Variants in ABTB3 observed in about 807,000 individuals in gnomAD.
The protein encoded by ABTB3 is ankyrin repeat- and BTB/POZ domain-containing protein 3.
At chr12:107,654,295 CTTTG>C in the ABTB3 span, among the ~76,000 whole-genome samples, 1 of 151,744 alleles carries the variant, frequency 6.6e-6, no homozygotes, top group Non-Finnish European at 1.5e-5. Context: ...TTGGGGTTTT[CTTTG>C]TTTTTGTTTG....
At chr12:107,445,022 C>G in the ABTB3 span, among the ~76,000 whole-genome samples, 10 of 152,182 alleles carry the variant, frequency 6.6e-5, no homozygotes, top group Non-Finnish European at 1.3e-4. Flanking sequence ...AAATCAGCAT[C>G]GCTGACCGCT....
the ABTB3 span, among the ~76,000 whole-genome samples, chr12:107,323,471 C>A: frequency 6.6e-6 from 1 of 152,324 alleles, no homozygotes. Flanking sequence ...TTGCTGTGGG[C>A]ATGAACTTTG....
the ABTB3 span, among the ~76,000 whole-genome samples, chr12:107,369,458 T>C: frequency 0.26 from 38,549 of 148,664 alleles, 6,070 homozygotes; most frequent in South Asian, 0.41. Flanking sequence ...GAGTGAATGG[T>C]GTGATCTTGG....
the ABTB3 span, chr12:107,619,844 C>A: frequency 1.4e-6 from 1 of 731,032 alleles, no homozygotes; most frequent in East Asian, 2.7e-5. Flanking sequence ...GAAAGTCAAT[C>A]CCTTGGTCTC....
At chr12:107,440,340 G>A in the ABTB3 span, among the ~76,000 whole-genome samples, 6 of 152,308 alleles carry the variant, frequency 3.9e-5, no homozygotes, top group South Asian at 2.1e-4. Flanking sequence ...AGCTCACGCC[G>A]ACTTCCCAGG....
chr12:107,454,293 G>A, the ABTB3 span, among the ~76,000 whole-genome samples: 1 of 152,146 alleles, frequency 6.6e-6, no homozygotes, highest in African/African-American at 2.4e-5. Context: ...GAAATGAGAA[G>A]GTGAGGCCCC....
chr12:107,333,581 A>T, the ABTB3 span, among the ~76,000 whole-genome samples: 1 of 152,206 alleles, frequency 6.6e-6, no homozygotes, highest in Non-Finnish European at 1.5e-5. Context: ...AGGTTCTCAG[A>T]ATTGTTTTGA....
the ABTB3 span, among the ~76,000 whole-genome samples, chr12:107,356,203 C>T: frequency 2.0e-4 from 31 of 152,246 alleles, 1 homozygote; most frequent in East Asian, 2.7e-3. Flanking sequence ...CTTATGGGTT[C>T]GTCATAGGTA....
chr12:107,326,540 A>C, the ABTB3 span, among the ~76,000 whole-genome samples: 10 of 152,304 alleles, frequency 6.6e-5, 1 homozygote, highest in Admixed American at 4.6e-4. Context: ...CTCTCTGACC[A>C]CCAATACATG....
At chr12:107,638,634 C>T in the ABTB3 span, among the ~76,000 whole-genome samples, 44 of 152,266 alleles carry the variant, frequency 2.9e-4, no homozygotes, top group South Asian at 1.0e-3. Flanking sequence ...TTCATTCACT[C>T]GAAAAACATC....
chr12:107,483,729 C>T, the ABTB3 span, among the ~76,000 whole-genome samples: 3 of 152,142 alleles, frequency 2.0e-5, 1 homozygote, highest in Non-Finnish European at 4.4e-5. Flanking sequence ...CTCTGTCACC[C>T]AGGCTGGAGC....
At chr12:107,349,770 T>C in the ABTB3 span, among the ~76,000 whole-genome samples, 2 of 152,246 alleles carry the variant, frequency 1.3e-5, no homozygotes, top group Non-Finnish European at 2.9e-5. Flanking sequence ...CTGTGCATCC[T>C]ATATTTTAAC....
chr12:107,409,470 C>T, the ABTB3 span, among the ~76,000 whole-genome samples: 2 of 152,208 alleles, frequency 1.3e-5, no homozygotes, highest in South Asian at 4.1e-4. Flanking sequence ...CCTGTATGTG[C>T]ATTGCAGTAC....
chr12:107,440,016 C>G, the ABTB3 span, among the ~76,000 whole-genome samples: 1 of 152,152 alleles, frequency 6.6e-6, no homozygotes, highest in Non-Finnish European at 1.5e-5. Flanking sequence ...TGATATTTAG[C>G]TGGTATTCAT....
the ABTB3 span, among the ~76,000 whole-genome samples, chr12:107,387,335 C>T: frequency 6.6e-6 from 1 of 152,300 alleles, no homozygotes; most frequent in East Asian, 1.9e-4. Flanking sequence ...TGAGCCTGCT[C>T]CTGCGGGTAA....
At chr12:107,654,834 A>ACACACACG in the ABTB3 span, among the ~76,000 whole-genome samples, 10,151 of 148,612 alleles carry the variant, frequency 0.068, 510 homozygotes, top group African/African-American at 0.14. Flanking sequence ...ACACACACAC[A>ACACACACG]CACACACACA....
chr12:107,623,061 C>CT, the ABTB3 span, among the ~76,000 whole-genome samples: 15,305 of 138,252 alleles, frequency 0.11, 971 homozygotes, highest in African/African-American at 0.16. Flanking sequence ...GCTTATTTGT[C>CT]TTTTTTTTTT....
the ABTB3 span, among the ~76,000 whole-genome samples, chr12:107,586,181 G>C: frequency 1.3e-5 from 2 of 152,270 alleles, no homozygotes; most frequent in South Asian, 2.1e-4. Context: ...CTGCTTTAAA[G>C]AAAGGCTTGG....
the ABTB3 span, among the ~76,000 whole-genome samples, chr12:107,502,102 T>G: frequency 6.6e-6 from 1 of 151,586 alleles, no homozygotes; most frequent in African/African-American, 2.4e-5. Context: ...TCTTGCTCTG[T>G]CACCCAGGCT....
Sources: gnomAD v4.1 joint callset for allele counts (sites outside exome capture counted in the v4.1 genomes callset) on GRCh38, gnomAD v4.1.1 for gene constraint, MANE v1.5 for transcripts, NCBI Gene and HGNC (gene_info 2026-07-23, HGNC 2026-07-21) for gene names.